The following PPP1R13B variants were observed in gnomAD, a reference collection of about 807,000 sequenced individuals.
PPP1R13B encodes protein phosphatase 1 regulatory subunit 13B, also known as apoptosis-stimulating of p53 protein 1.
Under a neutral mutation model 119.8 loss-of-function variants are expected in PPP1R13B, and 44 were observed. The ratio of observed to expected loss-of-function variants is 0.37; its 90% CI spans 0.29 to 0.47. The LOEUF (loss-of-function observed/expected upper bound fraction) is 0.47, where lower values mean the gene tolerates loss of function less well. Among genes scored for constraint, PPP1R13B ranks in the 20% least tolerant of loss-of-function variants. The pLI is 0.99. For synonymous variants in PPP1R13B, 542 were observed against 561.5 expected, an observed-to-expected ratio of 0.97 and a Z score of 0.49; for missense variants, 1,227 against 1,413.5, an observed-to-expected ratio of 0.87 and a Z score of 2.12.
chr14:103,798,420 G>A (rs2085813866), intron 1 of PPP1R13B, among the ~76,000 whole-genome samples: 1 of 151,980 alleles, frequency 6.6e-6, no homozygotes, highest in African/African-American at 2.4e-5. Context: ...CCAAAGTGCT[G>A]GGATTACAGG....
chr14:103,804,942 T>C (rs2085981938), intron 1 of PPP1R13B, among the ~76,000 whole-genome samples: 1 of 152,156 alleles, frequency 6.6e-6, no homozygotes. Flanking sequence ...GTTCAAGTGA[T>C]TCTCCTGCTT....
At chr14:103,778,009 T>C (rs1038093774) in intron 4 of PPP1R13B, among the ~76,000 whole-genome samples, 3 of 151,496 alleles carry the variant, frequency 2.0e-5, no homozygotes, top group African/African-American at 7.3e-5. Context: ...TGGAGTGCAA[T>C]GGTGCGATCT....
At chr14:103,836,049 T>TG (rs1304780383) in intron 1 of PPP1R13B, among the ~76,000 whole-genome samples, 1 of 142,308 alleles carries the variant, frequency 7.0e-6, no homozygotes, top group Admixed American at 7.1e-5. Flanking sequence ...CCTACTGACT[T>TG]TTTTTTTTTT....
intron 1 of PPP1R13B, among the ~76,000 whole-genome samples, chr14:103,809,583 G>T (rs1427503493): frequency 6.6e-6 from 1 of 152,022 alleles, no homozygotes; most frequent in Non-Finnish European, 1.5e-5. Context: ...CACTTTGGGA[G>T]GTTGAGGTGG....
chr14:103,812,161 T>A (rs1331262220), intron 1 of PPP1R13B, among the ~76,000 whole-genome samples: 1 of 142,772 alleles, frequency 7.0e-6, no homozygotes, highest in Non-Finnish European at 1.5e-5. Context: ...ACAGTCTCTG[T>A]CACCCAGGCT....
At chr14:103,785,406 G>A (rs1000508308) in intron 2 of PPP1R13B, among the ~76,000 whole-genome samples, 2 of 152,004 alleles carry the variant, frequency 1.3e-5, no homozygotes, top group African/African-American at 4.8e-5. Flanking sequence ...TTAGTAGAGA[G>A]AGGGTTTCAC....
chr14:103,775,068 G>C (rs999102371), intron 4 of PPP1R13B, among the ~76,000 whole-genome samples: 1 of 151,976 alleles, frequency 6.6e-6, no homozygotes, highest in African/African-American at 2.4e-5. Flanking sequence ...CTTCATCAAG[G>C]AAAAGGTCTC....
In PPP1R13B at chr14:103,742,124, A is replaced by T. The variant is rs1369548934; in HGVS notation, c.1488T>A (p.Ser496Arg). 3.7e-6 allele frequency: 6 copies of T among 1,612,900 alleles called. No individual in the cohort carries two copies. The highest frequency in any genetic ancestry group is 5.1e-6 in the Non-Finnish European group (6 of 1,179,972). The change falls in exon 11 of 17, where the codon AGT (serine) becomes AGA (arginine). Residue 496 changes from serine (S) to arginine (R), a missense_variant. Transcript: ENST00000202556. This position sits in a 1 kb window ranked among gnomAD's most constrained non-coding sequence, Gnocchi z 4.9. ...CGGGCAGCAGGGTGGGCCTCTGTCG[A>T]CTTGGCAGGCCTGCACTGGGCCTGG... The part of the protein sequence containing the change: ...SLPRPSAGLP[S>R]RQRPTLLPAT...
At chr14:103,829,447 G>C (rs909659170) in intron 1 of PPP1R13B, among the ~76,000 whole-genome samples, 3 of 152,076 alleles carry the variant, frequency 2.0e-5, no homozygotes, top group Admixed American at 6.6e-5. Context: ...ATACAGACAA[G>C]GTCTTTCTAT....
intron 1 of PPP1R13B, among the ~76,000 whole-genome samples, chr14:103,798,374 G>A (rs1012407991): frequency 1.3e-5 from 2 of 151,838 alleles, no homozygotes; most frequent in African/African-American, 2.4e-5. Context: ...GGATGGTCTC[G>A]ATCTCCCGAC....
Position 103,740,531 on chromosome 14 carries a change from C to T in PPP1R13B, c.1885G>A (p.Gly629Arg). Reference protein sequence around the residue: ...TSPSPLPFLHGSLSTGTPQPQ... With the variant: ...TSPSPLPFLHRSLSTGTPQPQ... Reference sequence around the variant, plus strand: ...TGTGGTGTGCCCGTGGACAGTGACCCGTGAAGAAACGGCAGCGGCGATGGA... The same window carrying T: ...TGTGGTGTGCCCGTGGACAGTGACCTGTGAAGAAACGGCAGCGGCGATGGA... The change falls in exon 12 of 17, where the codon GGG becomes AGG. Residue 629 changes from glycine to arginine, a missense_variant. By Grantham distance (125) the Gly-to-Arg change is moderately radical. Coordinates refer to ENST00000202556, the MANE Select transcript of PPP1R13B (RefSeq NM_015316.3). The surrounding 1 kb of genome is among the most constrained non-coding windows in gnomAD (Gnocchi z 4.6). The T allele has an allele frequency of 1.3e-6, 2 of 1,576,496 alleles. No homozygotes were observed. The highest frequency in any genetic ancestry group is 1.7e-6 in the Non-Finnish European group (2 of 1,157,516).
At chr14:103,816,709 T>C (rs2086291177) in intron 1 of PPP1R13B, among the ~76,000 whole-genome samples, 1 of 152,018 alleles carries the variant, frequency 6.6e-6, no homozygotes, top group South Asian at 2.1e-4. Context: ...CATATATTTT[T>C]CCTTTTCTCA....
rs186613897 is a variant in PPP1R13B, at chr14:103,784,712, A to T, written c.277+83T>A. The T allele has an allele frequency of 2.3e-5, 32 of 1,369,258 alleles. No homozygotes were observed. In the Admixed American group the frequency reaches 6.0e-4, roughly 26 times the overall value. 84.8% of individuals were successfully genotyped at this position (1,369,258 alleles called of 1,614,324 possible). Reference sequence around the variant, plus strand: ...GTAAGTGCAGGGCCGGGTGTGTGTGAATAATTTAATATTTATTCCTATTTT... The same window carrying T: ...GTAAGTGCAGGGCCGGGTGTGTGTGTATAATTTAATATTTATTCCTATTTT... On this transcript the variant is annotated intron_variant, in intron 3 of 16. Transcript: ENST00000202556.
chr14:103,742,441 C>A lies in PPP1R13B; in HGVS notation c.1321-150G>T. On this transcript the variant is annotated intron_variant, in intron 10 of 16. Transcript: ENST00000202556. This position sits in a 1 kb window ranked among gnomAD's most constrained non-coding sequence, Gnocchi z 4.9. ...TTGGGGCACACTGTTGAGCTCATTG[C>A]CTGTCTGCAAAAGTTCTGACCGAAA... The A allele has an allele frequency of 7.8e-7, 1 of 1,288,100 alleles. No homozygotes were observed. The highest frequency in any genetic ancestry group is 1.0e-6 in the Non-Finnish European group (1 of 953,020). 79.8% of individuals were successfully genotyped at this position (1,288,100 alleles called of 1,614,324 possible).
At chr14:103,847,758 GCGCTC>G (rs2087101268), upstream of PPP1R13B, 1 of 468,700 alleles carries the variant, frequency 2.1e-6, no homozygotes, top group African/African-American at 2.1e-5. Context: ...GTGCGCGTCC[GCGCTC>G]CCGGCGGCGG....
chr14:103,811,094 CAAAAAAAAAAAAA>C (rs36017203), intron 1 of PPP1R13B, among the ~76,000 whole-genome samples: 13 of 65,882 alleles, frequency 2.0e-4, no homozygotes, highest in African/African-American at 7.2e-4. Flanking sequence ...GACTCCTCCT[CAAAAAAAAAAAAA>C]AAAAAAAAAA....
At chr14:103,772,602 T>C (rs1289240897) in intron 4 of PPP1R13B, among the ~76,000 whole-genome samples, 1 of 152,190 alleles carries the variant, frequency 6.6e-6, no homozygotes, top group Non-Finnish European at 1.5e-5. Flanking sequence ...TGAACACCTT[T>C]CCATGTGCTT....
At chr14:103,745,134 T>C (rs566573890) in intron 9 of PPP1R13B, among the ~76,000 whole-genome samples, 1 of 152,276 alleles carries the variant, frequency 6.6e-6, no homozygotes, top group African/African-American at 2.4e-5. Flanking sequence ...CCCCACACTT[T>C]ATGTGGCTGC....
intron 1 of PPP1R13B, among the ~76,000 whole-genome samples, chr14:103,835,129 A>G (rs1345268884): frequency 6.6e-6 from 1 of 151,988 alleles, no homozygotes; most frequent in Non-Finnish European, 1.5e-5. Flanking sequence ...TCTTTTAGAC[A>G]GGATCTGTCT....
Sources: gnomAD v4.1 joint callset for allele counts (sites outside exome capture counted in the v4.1 genomes callset) on GRCh38, gnomAD v4.1.1 for gene constraint, Gnocchi (gnomAD v3.1) non-coding constraint, MANE v1.5 for transcripts, NCBI Gene and HGNC (gene_info 2026-07-23, HGNC 2026-07-21) for gene names.